Variants in MYO1D observed in about 807,000 individuals in gnomAD.
The protein encoded by MYO1D is unconventional myosin-Id.
In MYO1D, 83 loss-of-function variants were observed where a neutral mutation model predicts 122.0. The observed-to-expected ratio is 0.68, with a 90% CI of 0.57 to 0.82. The LOEUF is 0.82. MYO1D is among the 40% of genes least tolerant of loss of function. The pLI, the probability that MYO1D is intolerant of heterozygous loss-of-function variation, is 0.00. For synonymous variants in MYO1D, 464 were observed against 446.9 expected, an observed-to-expected ratio of 1.04 and a Z score of -0.48; for missense variants, 1,157 against 1,269.5, an observed-to-expected ratio of 0.91 and a Z score of 1.35.
At chr17:32,807,001 A>G (rs531657238) in intron 1 of MYO1D, among the ~76,000 whole-genome samples, 3 of 152,248 alleles carry the variant, frequency 2.0e-5, no homozygotes, top group African/African-American at 7.2e-5. Context: ...TCTTTGGTCT[A>G]TACATATTAT....
intron 1 of MYO1D, among the ~76,000 whole-genome samples, chr17:32,796,843 G>A (rs561288669): frequency 1.3e-5 from 2 of 152,240 alleles, no homozygotes; most frequent in Admixed American, 1.3e-4. Context: ...TACCTTACAT[G>A]GTACTGAGGT....
intron 21 of MYO1D, among the ~76,000 whole-genome samples, chr17:32,554,254 G>A (rs2087048585): frequency 6.6e-6 from 1 of 152,028 alleles, no homozygotes; most frequent in Admixed American, 6.6e-5. Context: ...CATAGTGAGA[G>A]CTACTCCTGA....
intron 1 of MYO1D, among the ~76,000 whole-genome samples, chr17:32,786,307 G>A (rs949883334): frequency 1.3e-5 from 2 of 152,136 alleles, no homozygotes; most frequent in Non-Finnish European, 2.9e-5. Context: ...AAGAGAAAAA[G>A]TGCAGTGGCT....
chr17:32,860,016 T>C (rs1376438275), intron 1 of MYO1D, among the ~76,000 whole-genome samples: 1 of 152,108 alleles, frequency 6.6e-6, no homozygotes, highest in African/African-American at 2.4e-5. Flanking sequence ...TGTGACCAAA[T>C]GCTAACTAAT....
chr17:32,726,451 CATG>C (rs2089574208), intron 14 of MYO1D, among the ~76,000 whole-genome samples: 2 of 140,032 alleles, frequency 1.4e-5, no homozygotes, highest in Admixed American at 1.4e-4. Context: ...GAAAAAAAGT[CATG>C]CTTTTCATGA....
intron 13 of MYO1D, among the ~76,000 whole-genome samples, chr17:32,743,779 G>A (rs754462644): frequency 2.0e-5 from 3 of 151,736 alleles, no homozygotes; most frequent in African/African-American, 4.8e-5. Flanking sequence ...CGCCACACCC[G>A]GCTAATTTTT....
chr17:32,869,662 G>A (rs1284471068), intron 1 of MYO1D, among the ~76,000 whole-genome samples: 1 of 152,178 alleles, frequency 6.6e-6, no homozygotes, highest in East Asian at 1.9e-4. Context: ...GAGCTAATAT[G>A]GAGATCACTA....
intron 1 of MYO1D, among the ~76,000 whole-genome samples, chr17:32,842,503 C>G (rs1324106926): frequency 6.6e-6 from 1 of 152,142 alleles, no homozygotes; most frequent in Non-Finnish European, 1.5e-5. Context: ...ACTTTATACA[C>G]TTTAAGGGGC....
intron 16 of MYO1D, among the ~76,000 whole-genome samples, chr17:32,671,668 T>C (rs1002522459): frequency 1.3e-5 from 2 of 152,188 alleles, no homozygotes; most frequent in African/African-American, 4.8e-5. Context: ...TTTCTGAATA[T>C]TGGTGAGTAT....
At chr17:32,846,199 G>A (rs897479932) in intron 1 of MYO1D, among the ~76,000 whole-genome samples, 1 of 152,334 alleles carries the variant, frequency 6.6e-6, no homozygotes, top group African/African-American at 2.4e-5. Context: ...CGTCACACAA[G>A]ACAAAAAGTT....
chr17:32,869,651 A>G lies in MYO1D; in HGVS notation c.95+7127T>C, dbSNP rs116879747. ...AATGTCAACGAACAGCTCTCCACAT[A>G]GAGCTAATATGGAGATCACTAAATA... is the stretch of plus-strand genomic sequence containing the variant. On this transcript the variant is annotated intron_variant, in intron 1 of 21. Transcript: ENST00000318217. 1.5e-4 allele frequency among the ~76,000 whole-genome samples: 23 copies of G among 152,368 alleles called. 1 individual carries two copies. In the East Asian group the frequency reaches 4.4e-3, roughly 29 times the overall value.
chr17:32,642,343 A>G (rs971796696), intron 19 of MYO1D, among the ~76,000 whole-genome samples: 4 of 152,142 alleles, frequency 2.6e-5, no homozygotes, highest in African/African-American at 9.7e-5. Flanking sequence ...GCCTTGTAGT[A>G]TAGTTTGAAG....
At chr17:32,535,245 C>G (rs905862228) in intron 21 of MYO1D, among the ~76,000 whole-genome samples, 4 of 152,100 alleles carry the variant, frequency 2.6e-5, no homozygotes, top group African/African-American at 9.7e-5. Context: ...AAACTTTTAG[C>G]TTATGTGAAA....
At chr17:32,707,318 T>C (rs1326661227) in intron 16 of MYO1D, among the ~76,000 whole-genome samples, 3 of 152,058 alleles carry the variant, frequency 2.0e-5, no homozygotes, top group African/African-American at 7.2e-5. Context: ...AGAAATAAGG[T>C]ATTATTTCTT....
intron 1 of MYO1D, among the ~76,000 whole-genome samples, chr17:32,801,126 T>C (rs1282157381): frequency 2.6e-5 from 4 of 152,196 alleles, no homozygotes; most frequent in Admixed American, 2.6e-4. Flanking sequence ...ATATGACATT[T>C]CAAAAAAGTG....
At chr17:32,725,620 A>T (rs1393482511) in intron 14 of MYO1D, among the ~76,000 whole-genome samples, 2 of 152,162 alleles carry the variant, frequency 1.3e-5, no homozygotes, top group Non-Finnish European at 2.9e-5. Flanking sequence ...AGATAAAAAG[A>T]TGGAAAATAA....
At chr17:32,658,615 C>G in intron 17 of MYO1D, 1 of 152,414 alleles carries the variant, frequency 6.6e-6, no homozygotes. Context: ...TTTAAAATCA[C>G]GTGGGAAACT....
intron 16 of MYO1D, among the ~76,000 whole-genome samples, chr17:32,702,125 T>C (rs1309341613): frequency 6.6e-6 from 1 of 152,182 alleles, no homozygotes; most frequent in Non-Finnish European, 1.5e-5. Context: ...CAGCTAATCC[T>C]GATATAAGAA....
intron 1 of MYO1D, among the ~76,000 whole-genome samples, chr17:32,864,050 T>G (rs1282292919): frequency 8.9e-5 from 12 of 134,818 alleles, no homozygotes; most frequent in Admixed American, 2.2e-4. Flanking sequence ...TTTTTGGTGT[T>G]TGCAAGAATA....
Sources: gnomAD v4.1 joint callset for allele counts (sites outside exome capture counted in the v4.1 genomes callset) on GRCh38, gnomAD v4.1.1 for gene constraint, MANE v1.5 for transcripts, NCBI Gene and HGNC (gene_info 2026-07-23, HGNC 2026-07-21) for gene names.